The following USP44 variants were observed in gnomAD, a reference collection of about 807,000 sequenced individuals.
The protein encoded by USP44 is ubiquitin carboxyl-terminal hydrolase 44.
In USP44, 61 loss-of-function variants were observed where a neutral mutation model predicts 69.0. The observed-to-expected ratio is 0.88, with a 90% confidence interval of 0.72 to 1.09. The LOEUF (loss-of-function observed/expected upper bound fraction) is 1.09, where lower values mean the gene tolerates loss of function less well. Among genes scored for constraint, USP44 ranks in the 50% least tolerant of loss-of-function variants. USP44 has a pLI of 0.00. For missense variants in USP44, 753 were observed against 849.9 expected, an observed-to-expected ratio of 0.89 and a Z score of 1.42; for synonymous variants, 297 against 295.4, an observed-to-expected ratio of 1.01 and a Z score of -0.06.
At chr12:95,549,372 C>G (rs559847742) in intron 1 of USP44, among the ~76,000 whole-genome samples, 1 of 152,238 alleles carries the variant, frequency 6.6e-6, no homozygotes, top group South Asian at 2.1e-4. Flanking sequence ...AGGAAGGGAA[C>G]CGCTATCTAG....
In USP44 at chr12:95,532,463, C is replaced by T. The variant is rs144613085; in HGVS notation, c.1428+366G>A. 4.5e-3 allele frequency among the ~76,000 whole-genome samples: 678 copies of T among 152,116 alleles called. 3 individuals are homozygous for T. The highest frequency in any genetic ancestry group is 0.016 in the African/African-American group (645 of 41,524). ...GATTATAGGTGTGAGCCCCCACGCCCGGCCATGTGCACCATTTTCATCCCG... is the reference window on the plus strand; with the variant it reads ...GATTATAGGTGTGAGCCCCCACGCCTGGCCATGTGCACCATTTTCATCCCG... On this transcript the variant is annotated intron_variant, in intron 2 of 5. Coordinates refer to ENST00000258499, the MANE Select transcript of USP44 (RefSeq NM_032147.5).
intron 5 of USP44, among the ~76,000 whole-genome samples, chr12:95,519,654 G>C (rs1035345016): frequency 5.4e-5 from 8 of 149,410 alleles, no homozygotes; most frequent in Admixed American, 2.7e-4. Context: ...CCGTGGTCTC[G>C]ATCTCCTGAC....
In USP44 at chr12:95,517,211, A is replaced by C. The variant is rs1187847744; in HGVS notation, c.*943T>G. On this transcript the variant is annotated 3_prime_UTR_variant, in exon 6 of 6. Transcript: ENST00000258499. ...TTAGTTATTTAGAATGAGATGCTAG[A>C]CATAATAATAGTCCAGTTGCCAATT... 4 of 152,030 alleles carry C rather than the reference A, an allele frequency of 2.6e-5. No individual in the cohort carries two copies. Among genetic ancestry groups the C allele is most frequent in the Admixed American group, 6.6e-5 (1 of 15,264 alleles). 9.4% of individuals were successfully genotyped at this position (152,030 alleles called of 1,614,324 possible). A position where few individuals can be genotyped will look rare whatever the true frequency, so the allele number is the denominator to read the frequency against.
intron 5 of USP44, among the ~76,000 whole-genome samples, chr12:95,520,297 C>T (rs2076618646): frequency 6.6e-6 from 1 of 151,918 alleles, no homozygotes; most frequent in Non-Finnish European, 1.5e-5. Flanking sequence ...TTGAGACCAT[C>T]CTGGCTAACA....
At position 95,534,044 on chromosome 12, in the gene USP44, CT is replaced by C. The variant is rs765435794; in HGVS notation, c.212del (p.Glu71GlyfsTer2). On this transcript the variant is annotated frameshift_variant, in exon 2 of 6. Coordinates refer to ENST00000258499, the MANE Select transcript of USP44 (RefSeq NM_032147.5). LOFTEE classifies it high-confidence loss of function. ...AACAAAAAACGTACATCTCATTCAC[CT>C]CCAATGCAACAGGATGACTGCTTTC... ...FQESSHPVAL[E>X]VNEMYVFCYL... is the part of the protein sequence containing the mutation. The C allele has an allele frequency of 1.9e-6, 3 of 1,614,182 alleles. No homozygotes were observed. In the South Asian group the frequency reaches 3.3e-5, roughly 18 times the overall value.
chr12:95,547,474 CTCTT>C (rs1287015528), intron 1 of USP44, among the ~76,000 whole-genome samples: 2 of 152,314 alleles, frequency 1.3e-5, no homozygotes, highest in Non-Finnish European at 2.9e-5. Flanking sequence ...AAATTTTCAT[CTCTT>C]TCAAGATTCA....
intron 1 of USP44, among the ~76,000 whole-genome samples, chr12:95,551,004 T>C (rs1360225887): frequency 1.3e-5 from 2 of 152,300 alleles, no homozygotes; most frequent in Non-Finnish European, 2.9e-5. Flanking sequence ...TATTCAACTT[T>C]GAAATTTCCT....
chr12:95,521,849 G>C (rs2076674602), intron 4 of USP44, among the ~76,000 whole-genome samples: 1 of 152,054 alleles, frequency 6.6e-6, no homozygotes, highest in Non-Finnish European at 1.5e-5. Flanking sequence ...ATCCCAGATG[G>C]GAGCTACAAT....
chr12:95,541,140 A>G (rs757571343), intron 1 of USP44, among the ~76,000 whole-genome samples: 4 of 152,080 alleles, frequency 2.6e-5, no homozygotes, highest in Non-Finnish European at 4.4e-5. Context: ...TTAGCCGGGC[A>G]TGGTGGCAGG....
chr12:95,531,780 C>T (rs1259849319), intron 2 of USP44, among the ~76,000 whole-genome samples: 1 of 152,024 alleles, frequency 6.6e-6, no homozygotes, highest in Non-Finnish European at 1.5e-5. Context: ...GGCAGGTGTG[C>T]AGGGGGAAGG....
intron 4 of USP44, among the ~76,000 whole-genome samples, chr12:95,523,689 C>CAAAAAAAA (rs927669685): frequency 6.7e-5 from 6 of 89,188 alleles, no homozygotes; most frequent in Non-Finnish European, 1.4e-4. Flanking sequence ...CTGTCTCTAC[C>CAAAAAAAA]AAAAAAAAAA....
chr12:95,536,953 C>T (rs1014516311), intron 1 of USP44, among the ~76,000 whole-genome samples: 3 of 152,182 alleles, frequency 2.0e-5, no homozygotes, highest in Non-Finnish European at 4.4e-5. Flanking sequence ...CATCCCCAAG[C>T]TTGCTTCTAG....
chr12:95,520,471 G>A (rs111545102), intron 5 of USP44, among the ~76,000 whole-genome samples: 11,552 of 151,964 alleles, frequency 0.076, 575 homozygotes, highest in African/African-American at 0.13. Flanking sequence ...CAGCCTGGGC[G>A]ACAGAGCGAG....
In USP44 at chr12:95,533,448, G is replaced by A. The variant is rs1170259781; in HGVS notation, c.809C>T (p.Pro270Leu). ...CAAATTTCTCAATCCTGTTACACCA[G>A]GAGTTACTATTGGCCTTCGTTTAAC... ...SSVKRRPIVT[P>L]GVTGLRNLGN... The change falls in exon 2 of 6, where the codon CCT (proline) becomes CTT (leucine). Residue 270 changes from proline (P) to leucine (L), a missense_variant. By Grantham distance (98) the Pro-to-Leu change is moderately conservative (BLOSUM62 -3). Transcript: ENST00000258499. 1.2e-6 allele frequency: 2 copies of A among 1,614,150 alleles called. No homozygotes were observed. Among genetic ancestry groups the A allele is most frequent in the South Asian group, 1.1e-5 (1 of 91,082 alleles).
chr12:95,538,885 C>T (rs1047192885), intron 1 of USP44, among the ~76,000 whole-genome samples: 1 of 152,236 alleles, frequency 6.6e-6, no homozygotes, highest in Non-Finnish European at 1.5e-5. Context: ...GTTCAGAGCA[C>T]CTCTTTTCAT....
chr12:95,518,935 TA>T (rs58213611), intron 5 of USP44, among the ~76,000 whole-genome samples: 1 of 149,814 alleles, frequency 6.7e-6, no homozygotes, highest in Non-Finnish European at 1.5e-5. Flanking sequence ...GGGACTGTCT[TA>T]AAAAAAAAAA....
intron 1 of USP44, among the ~76,000 whole-genome samples, chr12:95,535,954 T>C (rs2140311189): frequency 6.6e-6 from 1 of 152,166 alleles, no homozygotes; most frequent in Non-Finnish European, 1.5e-5. Context: ...TAAAATCTCA[T>C]ATTCGTTCCT....
At chr12:95,538,902 A>T (rs1351449122) in intron 1 of USP44, among the ~76,000 whole-genome samples, 5 of 152,232 alleles carry the variant, frequency 3.3e-5, no homozygotes, top group Non-Finnish European at 7.3e-5. Flanking sequence ...TCATTTGCTA[A>T]TCCACCGCTG....
chr12:95,545,411 T>A (rs1565842833), intron 1 of USP44, among the ~76,000 whole-genome samples: 1 of 152,166 alleles, frequency 6.6e-6, no homozygotes, highest in African/African-American at 2.4e-5. Flanking sequence ...AAACAGATCC[T>A]CTACAGGCTA....
Sources: allele counts gnomAD v4.1 joint callset (sites outside exome capture counted in the v4.1 genomes callset), GRCh38; gene constraint gnomAD v4.1.1; transcripts MANE v1.5; gene names NCBI Gene and HGNC (gene_info 2026-07-23, HGNC 2026-07-21).